PCDH9: variants seen among roughly 807,000 people sequenced by gnomAD.
PCDH9 encodes the protein protocadherin 9.
In PCDH9, 24 loss-of-function variants were observed where a neutral mutation model predicts 70.6. The ratio of observed to expected loss-of-function variants is 0.34; its 90% CI spans 0.25 to 0.48. The LOEUF is 0.48. Ranked by LOEUF, PCDH9 falls within the 20% of genes least tolerant of loss-of-function variation. The probability of loss-of-function intolerance (pLI) is 0.99; values close to 1 mark genes in which losing one functional copy is unlikely to be tolerated. For missense variants in PCDH9, 1,281 were observed against 1,503.6 expected (o/e 0.85, Z 2.45); for synonymous variants, 562 against 558.5 (o/e 1.01, Z -0.09).
chr13:66,891,009 C>A (rs553541813), intron 3 of PCDH9, among the ~76,000 whole-genome samples: 1 of 152,226 alleles, frequency 6.6e-6, no homozygotes, highest in African/African-American at 2.4e-5. Flanking sequence ...CTGTCCCTAT[C>A]ACTTTGCCTT....
At chr13:66,836,220 C>T (rs2081014813) in intron 3 of PCDH9, among the ~76,000 whole-genome samples, 2 of 152,118 alleles carry the variant, frequency 1.3e-5, no homozygotes, top group South Asian at 2.1e-4. Flanking sequence ...TTCTCTTATA[C>T]TCTTGACCCC....
intron 3 of PCDH9, among the ~76,000 whole-genome samples, chr13:66,671,513 G>C (rs1349259353): frequency 6.6e-6 from 1 of 152,186 alleles, no homozygotes; most frequent in Non-Finnish European, 1.5e-5. Context: ...GAATGGCTTT[G>C]ACCAAAATGC....
chr13:66,580,600 T>G (rs1330606122), intron 4 of PCDH9, among the ~76,000 whole-genome samples: 2 of 151,672 alleles, frequency 1.3e-5, no homozygotes, highest in African/African-American at 2.4e-5. Flanking sequence ...ACTATCAACT[T>G]TAGAACATTT....
At chr13:66,606,019 C>T (rs547450070) in intron 4 of PCDH9, among the ~76,000 whole-genome samples, 2 of 152,148 alleles carry the variant, frequency 1.3e-5, no homozygotes, top group African/African-American at 2.4e-5. Flanking sequence ...GGGCTCCCCT[C>T]GCCATTCCAT....
chr13:66,979,965 G>A (rs374939131), intron 2 of PCDH9, among the ~76,000 whole-genome samples: 8 of 151,708 alleles, frequency 5.3e-5, no homozygotes, highest in African/African-American at 1.9e-4. Context: ...ACTGACTGAT[G>A]AAATTTCTCA....
At position 66,629,566 on chromosome 13, in the gene PCDH9, C is replaced by A. The variant is rs564006358; in HGVS notation, c.3340+1644G>T. On this transcript the variant is annotated intron_variant, in intron 4 of 4. Transcript: ENST00000377865. ...AAATCAAAAGAGGATAGTTCTTGTT[C>A]TCCCAAATTCAGTGTAATAATAAGA... Among the ~76,000 whole-genome samples, 6 of 152,322 alleles carry A rather than the reference C, an allele frequency of 3.9e-5. No individual in the cohort carries two copies. In the South Asian group the frequency reaches 1.2e-3, roughly 32 times the overall value.
At chr13:66,913,398 T>C (rs2082503504) in intron 2 of PCDH9, among the ~76,000 whole-genome samples, 1 of 152,072 alleles carries the variant, frequency 6.6e-6, no homozygotes, top group Non-Finnish European at 1.5e-5. Context: ...TTTAAATTCA[T>C]TTATGCAACT....
At chr13:66,614,436 T>G (rs1311671427) in intron 4 of PCDH9, among the ~76,000 whole-genome samples, 1 of 152,212 alleles carries the variant, frequency 6.6e-6, no homozygotes, top group African/African-American at 2.4e-5. Flanking sequence ...TTGGTAAAAT[T>G]TATAAAGGAT....
At chr13:67,179,861 A>G (rs1307796205) in intron 2 of PCDH9, among the ~76,000 whole-genome samples, 2 of 152,118 alleles carry the variant, frequency 1.3e-5, no homozygotes, top group East Asian at 3.8e-4. Flanking sequence ...AGTCAAGGTT[A>G]AGGGTAAGGG....
At chr13:66,445,052 AAT>A (rs981724492) in intron 4 of PCDH9, among the ~76,000 whole-genome samples, 12 of 147,396 alleles carry the variant, frequency 8.1e-5, no homozygotes, top group Admixed American at 1.4e-4. Context: ...CTATATATAT[AAT>A]ATATATATAA....
intron 2 of PCDH9, among the ~76,000 whole-genome samples, chr13:66,958,191 G>A (rs1464406012): frequency 6.6e-6 from 1 of 152,192 alleles, no homozygotes; most frequent in Non-Finnish European, 1.5e-5. Flanking sequence ...GGTTGTAGCA[G>A]AGCAACTCCT....
At chr13:67,013,337 C>A (rs931679498) in intron 2 of PCDH9, among the ~76,000 whole-genome samples, 1 of 150,548 alleles carries the variant, frequency 6.6e-6, no homozygotes, top group African/African-American at 2.4e-5. Context: ...ATGGATCATA[C>A]TTTTATATCC....
chr13:66,568,014 T>G (rs756863112), intron 4 of PCDH9, among the ~76,000 whole-genome samples: 3 of 152,178 alleles, frequency 2.0e-5, no homozygotes, highest in Non-Finnish European at 4.4e-5. Flanking sequence ...ATTAACTGTA[T>G]GTCTGTGCCC....
intron 3 of PCDH9, among the ~76,000 whole-genome samples, chr13:66,834,478 T>G (rs1156915641): frequency 6.6e-6 from 1 of 152,186 alleles, no homozygotes; most frequent in Non-Finnish European, 1.5e-5. Context: ...TTTCAAGGAA[T>G]GCATTTTATA....
rs555843156 is a variant in PCDH9, at chr13:66,848,571, T to C, written c.3138+54933A>G. On this transcript the variant is annotated intron_variant, in intron 3 of 4. Transcript: ENST00000377865. ...ATAGCACTCTACAACCCAAATCTTA[T>C]CATCAGTATGCAGTTTAGATAACAC... 6.6e-5 allele frequency among the ~76,000 whole-genome samples: 10 copies of C among 152,252 alleles called. No homozygotes were observed. In the East Asian group the frequency reaches 1.7e-3, roughly 26 times the overall value.
At chr13:66,670,715 A>T (rs1459326105) in intron 3 of PCDH9, among the ~76,000 whole-genome samples, 1 of 152,046 alleles carries the variant, frequency 6.6e-6, no homozygotes, top group African/African-American at 2.4e-5. Flanking sequence ...ACAGGTACTG[A>T]TGATATATTT....
chr13:66,922,496 T>C (rs1285826552), intron 2 of PCDH9, among the ~76,000 whole-genome samples: 1 of 151,418 alleles, frequency 6.6e-6, no homozygotes, highest in African/African-American at 2.4e-5. Flanking sequence ...TTCACGATTC[T>C]ACAAATGTGT....
intron 4 of PCDH9, among the ~76,000 whole-genome samples, chr13:66,512,577 C>G (rs1959532463): frequency 6.6e-6 from 1 of 152,012 alleles, no homozygotes; most frequent in Non-Finnish European, 1.5e-5. Context: ...TGTGTCAGAG[C>G]TTTGCTGTGA....
At chr13:66,447,617 T>C (rs1958121956) in intron 4 of PCDH9, among the ~76,000 whole-genome samples, 1 of 152,164 alleles carries the variant, frequency 6.6e-6, no homozygotes, top group Admixed American at 6.5e-5. Flanking sequence ...TGTCATTTAT[T>C]GTAGCAAGTT....
Sources: gnomAD v4.1 joint callset for allele counts (sites outside exome capture counted in the v4.1 genomes callset) on GRCh38, gnomAD v4.1.1 for gene constraint, MANE v1.5 for transcripts, NCBI Gene and HGNC (gene_info 2026-07-23, HGNC 2026-07-21) for gene names.